Variants in KDM2B observed in about 807,000 individuals in gnomAD.
The protein encoded by KDM2B is lysine-specific demethylase 2B.
Under a neutral mutation model 150.0 loss-of-function variants are expected in KDM2B, and 26 were observed. The observed-to-expected ratio is 0.17, with a 90% CI of 0.13 to 0.24. KDM2B has a LOEUF of 0.24. Among genes scored for constraint, KDM2B ranks in the 10% least tolerant of loss-of-function variants. The pLI, the probability that KDM2B is intolerant of heterozygous loss-of-function variation, is 1.00. For synonymous variants in KDM2B, 734 were observed against 729.5 expected (o/e 1.01, Z -0.10); for missense variants, 1,265 against 1,816.9 (o/e 0.70, Z 5.52).
chr12:121,473,637 T>C (rs1308562929), intron 12 of KDM2B, among the ~76,000 whole-genome samples: 1 of 146,594 alleles, frequency 6.8e-6, no homozygotes, highest in Non-Finnish European at 1.5e-5. Context: ...GAGTAAAGCT[T>C]GAACCAGGGA....
At chr12:121,563,373 G>A (rs1373367093) in intron 4 of KDM2B, among the ~76,000 whole-genome samples, 2 of 151,988 alleles carry the variant, frequency 1.3e-5, no homozygotes, top group East Asian at 1.9e-4. Context: ...TTGGGAGGCC[G>A]AAATGGGTGG....
the KDM2B span, chr12:121,416,227 C>T: frequency 6.2e-7 from 1 of 1,614,098 alleles, no homozygotes. Flanking sequence ...CTGGAGCTGT[C>T]AGGGGCCAGC....
At chr12:121,550,956 G>A (rs1039286100) in intron 4 of KDM2B, among the ~76,000 whole-genome samples, 6 of 152,144 alleles carry the variant, frequency 3.9e-5, no homozygotes, top group African/African-American at 7.2e-5. Context: ...GCACAGCCAC[G>A]GTCATCGGTT....
the KDM2B span, chr12:121,417,684 A>C: frequency 6.2e-7 from 1 of 1,614,218 alleles, no homozygotes; most frequent in South Asian, 1.1e-5. The surrounding 1 kb of genome is among the most constrained non-coding windows in gnomAD (Gnocchi z 5.0). Context: ...ACCCATAGAT[A>C]CTTGTCGTGA....
At chr12:121,562,528 G>A (rs950899058) in intron 4 of KDM2B, among the ~76,000 whole-genome samples, 10 of 152,028 alleles carry the variant, frequency 6.6e-5, no homozygotes, top group Non-Finnish European at 1.5e-4. Flanking sequence ...GATTTCCAAG[G>A]GGTGAGAACT....
At chr12:121,474,337 A>C (rs983343656) in intron 12 of KDM2B, among the ~76,000 whole-genome samples, 8 of 151,624 alleles carry the variant, frequency 5.3e-5, no homozygotes, top group African/African-American at 1.7e-4. Flanking sequence ...CACTGTGAAA[A>C]CCCCGTCCCT....
intron 10 of KDM2B, among the ~76,000 whole-genome samples, chr12:121,512,480 C>G (rs1263431785): frequency 1.3e-5 from 2 of 151,914 alleles, no homozygotes; most frequent in African/African-American, 4.8e-5. Context: ...TTGTGCAGAC[C>G]CTCAAGGAGA....
intron 6 of KDM2B, among the ~76,000 whole-genome samples, chr12:121,544,979 G>A (rs1001655658): frequency 1.3e-5 from 2 of 151,230 alleles, no homozygotes; most frequent in East Asian, 2.0e-4. Context: ...GGAGCCGGGT[G>A]GGGGAAGCAG....
At chr12:121,441,570 G>A (rs897289667) in intron 19 of KDM2B, among the ~76,000 whole-genome samples, 1 of 152,104 alleles carries the variant, frequency 6.6e-6, no homozygotes. Flanking sequence ...CCGAGTAGCT[G>A]GGATTACAGG....
At position 121,579,766 on chromosome 12, in the gene KDM2B, G is replaced by A. The variant is rs578217884; in HGVS notation, c.127-820C>T. The A allele has an allele frequency of 2.4e-6, 3 of 1,261,464 alleles. No homozygotes were observed. The East Asian group carries it at 1.1e-4, about 45-fold the overall frequency. 78.1% of individuals were successfully genotyped at this position (1,261,464 alleles called of 1,614,324 possible). Reference sequence around the variant, plus strand: ...TCCGGGCGAACCCCGAGCCCGCTCAGCCCCCCTCCACGCCTTTCCCCGATA... The same window carrying A: ...TCCGGGCGAACCCCGAGCCCGCTCAACCCCCCTCCACGCCTTTCCCCGATA... On this transcript the variant is annotated intron_variant, in intron 1 of 22. Transcript: ENST00000377071.
rs1411750521 is a variant in KDM2B, at chr12:121,467,411, C to G, written c.1735-14067G>C. 2.2e-6 allele frequency: 2 copies of G among 930,220 alleles called. No individual in the cohort carries two copies. The highest frequency in any genetic ancestry group is 2.6e-6 in the Non-Finnish European group (2 of 782,360). The allele number at this position is 930,220 out of a possible 1,614,324, so 57.6% of individuals were successfully genotyped here. The stretch of plus-strand genomic sequence containing the variant: ...GCGGGGAGGGGCCGGCGGGGGAGGG[C>G]CGGGGCGCCATGCATATGCATGAGG... On this transcript the variant is annotated intron_variant, in intron 12 of 22. Transcript: ENST00000377071. The surrounding 1 kb of genome is among the most constrained non-coding windows in gnomAD (Gnocchi z 5.1).
At chr12:121,422,847 A>G in the KDM2B span, among the ~76,000 whole-genome samples, 2 of 152,246 alleles carry the variant, frequency 1.3e-5, no homozygotes, top group African/African-American at 4.8e-5. Context: ...AGGGCCAGGA[A>G]CACAGATGGC....
chr12:121,579,629 C>A, intron 1 of KDM2B: 6 of 1,328,130 alleles, frequency 4.5e-6, no homozygotes, highest in Non-Finnish European at 5.9e-6. Flanking sequence ...TGCCTCATCT[C>A]CCCACAAGCG....
In KDM2B at chr12:121,520,318, G is replaced by A. The variant is rs946922607; in HGVS notation, c.1047+667C>T. Among the ~76,000 whole-genome samples, 13 of 152,158 alleles carry A rather than the reference G, an allele frequency of 8.5e-5. No individual in the cohort carries two copies. Among genetic ancestry groups the A allele is most frequent in the Non-Finnish European group, 2.9e-5 (2 of 68,028 alleles). On this transcript the variant is annotated intron_variant, in intron 9 of 22. Transcript: ENST00000377071. This position sits in a 1 kb window ranked among gnomAD's most constrained non-coding sequence, Gnocchi z 4.5. ...GTCCTTTTCAGGGGACACTTGTGGAGCGAAGGACACACATCAGTTACCTAA... is the reference window on the plus strand; with the variant it reads ...GTCCTTTTCAGGGGACACTTGTGGAACGAAGGACACACATCAGTTACCTAA...
intron 4 of KDM2B, among the ~76,000 whole-genome samples, chr12:121,573,269 T>C (rs1392990719): frequency 6.7e-6 from 1 of 149,218 alleles, no homozygotes; most frequent in Non-Finnish European, 1.5e-5. Flanking sequence ...AGATATATCA[T>C]TGTAAACACT....
intron 22 of KDM2B, among the ~76,000 whole-genome samples, chr12:121,435,253 C>A (rs2137641349): frequency 6.6e-6 from 1 of 152,228 alleles, no homozygotes; most frequent in African/African-American, 2.4e-5. Flanking sequence ...ATTCTATGCC[C>A]AAAAATGGCT....
At chr12:121,496,172 C>T (rs1883915336) in intron 11 of KDM2B, among the ~76,000 whole-genome samples, 1 of 152,080 alleles carries the variant, frequency 6.6e-6, no homozygotes, top group Non-Finnish European at 1.5e-5. Context: ...TCTCTGGCAC[C>T]AGACTTTCTG....
At chr12:121,507,307 T>C (rs1421450031) in intron 11 of KDM2B, among the ~76,000 whole-genome samples, 3 of 151,896 alleles carry the variant, frequency 2.0e-5, no homozygotes, top group Admixed American at 6.6e-5. Flanking sequence ...GAGGTTGCAG[T>C]GAACCAAGAT....
intron 6 of KDM2B, among the ~76,000 whole-genome samples, chr12:121,538,430 G>A (rs1167555794): frequency 6.6e-6 from 1 of 152,058 alleles, no homozygotes; most frequent in East Asian, 1.9e-4. Context: ...TGACCCCAAG[G>A]CCCACGCGCT....
Sources: gnomAD v4.1 joint callset for allele counts (sites outside exome capture counted in the v4.1 genomes callset) on GRCh38, gnomAD v4.1.1 for gene constraint, Gnocchi (gnomAD v3.1) non-coding constraint, MANE v1.5 for transcripts, NCBI Gene and HGNC (gene_info 2026-07-23, HGNC 2026-07-21) for gene names.